The following HECTD4 variants were observed in gnomAD, a reference collection of about 807,000 sequenced individuals.
HECTD4 encodes probable E3 ubiquitin-protein ligase HECTD4.
A neutral mutation model predicts 471.5 loss-of-function variants in HECTD4; 114 were observed. The observed-to-expected ratio is 0.24, with a 90% CI of 0.21 to 0.28. The LOEUF (loss-of-function observed/expected upper bound fraction) is 0.28, where lower values mean the gene tolerates loss of function less well. Among genes scored for constraint, HECTD4 ranks in the 10% least tolerant of loss-of-function variants. HECTD4 has a pLI of 1.00. For synonymous variants in HECTD4, 2,012 were observed against 2,256.0 expected (o/e 0.89, Z 3.07); for missense variants, 3,866 against 5,651.5 (o/e 0.68, Z 10.13).
At chr12:112,219,750 C>A (rs193235087) in intron 44 of HECTD4, among the ~76,000 whole-genome samples, 67 of 152,148 alleles carry the variant, frequency 4.4e-4, no homozygotes, top group African/African-American at 1.6e-3. Context: ...CAGGCACATG[C>A]CACCGCGCCC....
At chr12:112,370,458 T>G (rs1335283833) in intron 1 of HECTD4, among the ~76,000 whole-genome samples, 1 of 152,192 alleles carries the variant, frequency 6.6e-6, no homozygotes, top group Non-Finnish European at 1.5e-5. Flanking sequence ...TCTAGAGTCT[T>G]GTGCAGCACT....
At chr12:112,226,548 G>A in intron 44 of HECTD4, 95 bp downstream of exon 44, 1 of 688,118 alleles carries the variant, frequency 1.5e-6, no homozygotes, top group East Asian at 2.8e-5. Flanking sequence ...GTTTTGATGT[G>A]TGTGTATGAA....
At chr12:112,342,144 G>GT (rs2036064141) in intron 1 of HECTD4, among the ~76,000 whole-genome samples, 1 of 152,140 alleles carries the variant, frequency 6.6e-6, no homozygotes. Flanking sequence ...TGAACTATTG[G>GT]TCCTATCCCA....
At chr12:112,229,991 T>C (rs2033336785) in intron 40 of HECTD4, 111 bp from the exon 41 acceptor site, 4 of 1,022,966 alleles carry the variant, frequency 3.9e-6, no homozygotes, top group Non-Finnish European at 5.6e-6. Flanking sequence ...GAAGGAACTC[T>C]GGACATGTGA....
At chr12:112,220,974 A>G (rs1376814533) in intron 44 of HECTD4, among the ~76,000 whole-genome samples, 1 of 152,012 alleles carries the variant, frequency 6.6e-6, no homozygotes, top group East Asian at 1.9e-4. Flanking sequence ...TTTTGAGACA[A>G]GGTCTCTCGC....
At chr12:112,278,784 T>C (rs1299710052) in intron 9 of HECTD4, among the ~76,000 whole-genome samples, 1 of 152,122 alleles carries the variant, frequency 6.6e-6, no homozygotes, top group African/African-American at 2.4e-5. Flanking sequence ...TCTCAGCTAC[T>C]AGGGAGGCTG....
At chr12:112,225,208 A>G (rs1436460592) in intron 44 of HECTD4, among the ~76,000 whole-genome samples, 1 of 152,150 alleles carries the variant, frequency 6.6e-6, no homozygotes, top group Non-Finnish European at 1.5e-5. Flanking sequence ...AATAAAAAGA[A>G]AACAACAGAA....
At chr12:112,236,632 T>C (rs1044948785) in intron 35 of HECTD4, among the ~76,000 whole-genome samples, 2 of 152,162 alleles carry the variant, frequency 1.3e-5, no homozygotes, top group Non-Finnish European at 2.9e-5. Context: ...CTTGCTACAA[T>C]GAGGGTAAGA....
chr12:112,382,081 GTCA>G lies in HECTD4; in HGVS notation c.45_47del (p.Asp16del). On this transcript the variant is annotated inframe_deletion, in exon 1 of 76. Transcript: ENST00000682272. ...CCTTCACCGAGAGCCACTGCGCCGAGTCAGCGGCCGCCGCCGCCGCCGCCGCCG... is the reference window on the plus strand; with the variant it reads ...CCTTCACCGAGAGCCACTGCGCCGAGGCGGCCGCCGCCGCCGCCGCCGCCG... 8.1e-7 allele frequency: 1 copy of G among 1,228,130 alleles called. No homozygotes were observed. Among genetic ancestry groups the G allele is most frequent in the Non-Finnish European group, 1.0e-6 (1 of 986,566 alleles). 76.1% of individuals were successfully genotyped at this position (1,228,130 alleles called of 1,614,324 possible).
At chr12:112,312,996 G>A in intron 4 of HECTD4, 21 bp downstream of exon 4, 1 of 1,532,524 alleles carries the variant, frequency 6.5e-7, no homozygotes, top group Non-Finnish European at 8.7e-7. Context: ...ATTAATCACA[G>A]GACAAAAACT....
chr12:112,269,498 A>C (rs1047818479), intron 13 of HECTD4, among the ~76,000 whole-genome samples: 8 of 152,188 alleles, frequency 5.3e-5, no homozygotes, highest in Non-Finnish European at 1.0e-4. Flanking sequence ...AAACAGTGAG[A>C]TAAGGAAATG....
At chr12:112,371,406 T>C (rs1356704222) in intron 1 of HECTD4, among the ~76,000 whole-genome samples, 11 of 151,694 alleles carry the variant, frequency 7.3e-5, no homozygotes, top group Non-Finnish European at 1.3e-4. Context: ...TGAAACCCCA[T>C]CTCTTCTAAA....
At chr12:112,208,653 C>A (rs1391998591) in intron 50 of HECTD4, 23 bp from the exon 51 acceptor site, 1 of 1,517,670 alleles carries the variant, frequency 6.6e-7, no homozygotes, top group Admixed American at 2.3e-5. Context: ...ACAAGGACAG[C>A]GAATTCTAAA....
intron 1 of HECTD4, among the ~76,000 whole-genome samples, chr12:112,337,956 C>T (rs2035988789): frequency 6.6e-6 from 1 of 152,188 alleles, no homozygotes; most frequent in Non-Finnish European, 1.5e-5. Flanking sequence ...GCTGAAAATG[C>T]ATTATATTAG....
At chr12:112,299,716 A>T (rs896174472) in intron 7 of HECTD4, among the ~76,000 whole-genome samples, 11 of 152,186 alleles carry the variant, frequency 7.2e-5, no homozygotes, top group African/African-American at 2.7e-4. Context: ...TTCATATTCA[A>T]ATTATCTCCA....
Position 112,204,472 on chromosome 12 carries a change from G to A in HECTD4, c.8269+14C>T. 1 of 1,608,694 alleles carries A rather than the reference G, an allele frequency of 6.2e-7. No individual in the cohort carries two copies. Among genetic ancestry groups the A allele is most frequent in the Non-Finnish European group, 8.5e-7 (1 of 1,177,564 alleles). ...TAGGAAATTTCATAGGTCGAGTAAG[G>A]AGGAAAGCAAAACCTTTTCGAACTT... On this transcript the variant is annotated intron_variant, in intron 53 of 75. Coordinates refer to ENST00000682272, the MANE Select transcript of HECTD4 (RefSeq NM_001388303.1).
intron 1 of HECTD4, among the ~76,000 whole-genome samples, chr12:112,329,488 C>T (rs1476662001): frequency 6.6e-6 from 1 of 151,844 alleles, no homozygotes; most frequent in Non-Finnish European, 1.5e-5. Context: ...GTGCCTCAGC[C>T]TCCCGAGTAG....
At chr12:112,365,346 C>G (rs539888758) in intron 1 of HECTD4, among the ~76,000 whole-genome samples, 1 of 152,124 alleles carries the variant, frequency 6.6e-6, no homozygotes, top group African/African-American at 2.4e-5. Context: ...CAGTGAGCTA[C>G]GATAGTGCCA....
At chr12:112,333,926 G>A (rs1333664380) in intron 1 of HECTD4, among the ~76,000 whole-genome samples, 1 of 151,752 alleles carries the variant, frequency 6.6e-6, no homozygotes, top group East Asian at 1.9e-4. Flanking sequence ...TAAGTAAGTG[G>A]GGCCAGGTGC....
Sources: allele counts gnomAD v4.1 joint callset (sites outside exome capture counted in the v4.1 genomes callset), GRCh38; gene constraint gnomAD v4.1.1; transcripts MANE v1.5; gene names NCBI Gene and HGNC (gene_info 2026-07-23, HGNC 2026-07-21).